The following BBIP1 variants were observed in gnomAD, a reference collection of about 807,000 sequenced individuals.
BBIP1 encodes BBSome-interacting protein 1.
In BBIP1, 6 loss-of-function variants were observed where a neutral mutation model predicts 8.9. The observed-to-expected ratio is 0.67, with a 90% CI of 0.37 to 1.33. The LOEUF (loss-of-function observed/expected upper bound fraction) is 1.33. Ranked by LOEUF, BBIP1 falls within the 40% of genes most tolerant of loss-of-function variation. The pLI is 0.02. For synonymous variants in BBIP1, 32 were observed against 33.4 expected, an observed-to-expected ratio of 0.96 and a Z score of 0.14; for missense variants, 111 against 109.2, an observed-to-expected ratio of 1.02 and a Z score of -0.07.
chr10:110,907,930 G>A (rs1846185810), intron 2 of BBIP1: 2 of 586,998 alleles, frequency 3.4e-6, no homozygotes, highest in Admixed American at 3.1e-5. Context: ...AAACAGGGGA[G>A]TTGAGTATAT....
At position 110,912,824 on chromosome 10, in the gene BBIP1, C is replaced by G. The variant is rs570440440; in HGVS notation, c.37+5297G>C. Among the ~76,000 whole-genome samples the G allele has an allele frequency of 1.8e-4, 27 of 152,274 alleles. No homozygotes were observed. In the South Asian group the frequency reaches 5.4e-3, roughly 30 times the overall value. Reference sequence around the variant, plus strand: ...ATAATATGTGCCTACTACTCCTAACCTGTCACTACATCTTCAATGTAATTC... The same window carrying G: ...ATAATATGTGCCTACTACTCCTAACGTGTCACTACATCTTCAATGTAATTC... On this transcript the variant is annotated intron_variant, in intron 2 of 3. Transcript: ENST00000448814.
intron 2 of BBIP1, 82 bp from the exon 3 acceptor site, chr10:110,901,694 A>G (rs2134018905): frequency 1.8e-6 from 2 of 1,093,022 alleles, no homozygotes; most frequent in South Asian, 2.7e-5. Flanking sequence ...TTTAAGAAGT[A>G]AAATCCAAAT....
intron 2 of BBIP1, 177 bp downstream of exon 2, chr10:110,917,944 C>G: frequency 1.6e-6 from 1 of 614,300 alleles, no homozygotes; most frequent in Non-Finnish European, 2.9e-6. Context: ...GTAACAGAAT[C>G]AGATACAGAA....
intron 2 of BBIP1, among the ~76,000 whole-genome samples, chr10:110,917,170 A>G (rs1370792069): frequency 6.6e-6 from 1 of 151,700 alleles, no homozygotes; most frequent in African/African-American, 2.4e-5. Context: ...ATTAAAGCTA[A>G]AGAAAAATTT....
intron 3 of BBIP1, 45 bp from the exon 4 acceptor site, chr10:110,900,571 A>G (rs1845969865): frequency 1.4e-6 from 2 of 1,404,272 alleles, no homozygotes; most frequent in Non-Finnish European, 1.9e-6. Flanking sequence ...AAGATAACCC[A>G]GTTGTTTGTA....
chr10:110,917,546 A>G (rs1490492770), intron 2 of BBIP1, among the ~76,000 whole-genome samples: 1 of 152,242 alleles, frequency 6.6e-6, no homozygotes, highest in Non-Finnish European at 1.5e-5. Context: ...CTTTCATAAT[A>G]AAACACTGGG....
At chr10:110,913,819 T>C (rs1175484231) in intron 2 of BBIP1, among the ~76,000 whole-genome samples, 2 of 152,226 alleles carry the variant, frequency 1.3e-5, no homozygotes, top group Admixed American at 1.3e-4. Context: ...TTAAGAAACA[T>C]ACATGTCATA....
At chr10:110,916,490 C>T (rs570322506) in intron 2 of BBIP1, among the ~76,000 whole-genome samples, 2 of 152,248 alleles carry the variant, frequency 1.3e-5, no homozygotes, top group African/African-American at 4.8e-5. Flanking sequence ...TTTTAATAGG[C>T]TCTGCTTAAT....
At chr10:110,906,569 C>CT (rs35573939) in intron 2 of BBIP1, 114,739 of 151,656 alleles carry the variant, frequency 0.76, 43,716 homozygotes, top group East Asian at 0.87. Flanking sequence ...ATTCTTCTTC[C>CT]TTTTTTTTGA....
At chr10:110,909,091 C>T (rs1481842739) in intron 2 of BBIP1, among the ~76,000 whole-genome samples, 1 of 152,024 alleles carries the variant, frequency 6.6e-6, no homozygotes, top group Non-Finnish European at 1.5e-5. Flanking sequence ...CTCAGGCCAG[C>T]AAAACAATGA....
intron 2 of BBIP1, among the ~76,000 whole-genome samples, chr10:110,909,093 A>G (rs1846210676): frequency 6.6e-6 from 1 of 152,226 alleles, no homozygotes. Context: ...CAGGCCAGCA[A>G]AACAATGATA....
intron 2 of BBIP1, among the ~76,000 whole-genome samples, chr10:110,915,016 GAA>G (rs1276889101): frequency 6.6e-6 from 1 of 152,160 alleles, no homozygotes; most frequent in Non-Finnish European, 1.5e-5. Context: ...CAAGGAAAGA[GAA>G]AAGTTGTTTG....
chr10:110,899,435 TC>T lies in BBIP1; in HGVS notation c.*924del, dbSNP rs1165468211. 1 of 152,238 alleles carries T rather than the reference TC, an allele frequency of 6.6e-6. No individual in the cohort carries two copies. Among genetic ancestry groups the T allele is most frequent in the Non-Finnish European group, 1.5e-5 (1 of 68,038 alleles). The allele number at this position is 152,238 out of a possible 1,614,324, so 9.4% of individuals were successfully genotyped here. ...TGGATGATAAATGCAGTCATTTTAT[TC>T]TCAAGTGCTTAAAATTAATGTAATT... On this transcript the variant is annotated 3_prime_UTR_variant, in exon 4 of 4. Coordinates refer to ENST00000448814, the MANE Select transcript of BBIP1 (RefSeq NM_001195305.3).
intron 1 of BBIP1, among the ~76,000 whole-genome samples, 192 bp from the exon 2 acceptor site, chr10:110,918,405 G>A (rs994302395): frequency 1.3e-5 from 2 of 152,216 alleles, no homozygotes; most frequent in African/African-American, 4.8e-5. Context: ...GAAGGCAGGT[G>A]GCAGGGGAAA....
intron 2 of BBIP1, among the ~76,000 whole-genome samples, chr10:110,908,970 T>A (rs1405302935): frequency 6.6e-6 from 1 of 152,216 alleles, no homozygotes; most frequent in African/African-American, 2.4e-5. Flanking sequence ...TCAAATAGTT[T>A]AGGTGCAGGT....
rs1845896931 is a variant in BBIP1, at chr10:110,898,875, C to G, written c.*1485G>C. On this transcript the variant is annotated 3_prime_UTR_variant, in exon 4 of 4. Coordinates refer to ENST00000448814, the MANE Select transcript of BBIP1 (RefSeq NM_001195305.3). ...GTGTTCCCTTGAAAACTTTTTTTCC[C>G]TACAAAATTTTAAGTGAAAAATACA... 2 of 152,436 alleles carry G rather than the reference C, an allele frequency of 1.3e-5. No homozygotes were observed. Among genetic ancestry groups the G allele is most frequent in the African/African-American group, 4.8e-5 (2 of 41,502 alleles). The allele number at this position is 152,436 out of a possible 1,614,324, so 9.4% of individuals were successfully genotyped here.
intron 2 of BBIP1, chr10:110,907,944 G>A (rs1846186067): frequency 3.6e-6 from 2 of 556,432 alleles, no homozygotes; most frequent in African/African-American, 1.9e-5. Context: ...AGTATATATT[G>A]TTTCCTAAAG....
At chr10:110,910,772 G>A (rs76529834) in intron 2 of BBIP1, 8,971 of 152,306 alleles carry the variant, frequency 0.059, 314 homozygotes, top group East Asian at 0.1. Context: ...TGAGAAGGTT[G>A]AGAAGGAATA....
chr10:110,916,382 T>C (rs1284176099), intron 2 of BBIP1, among the ~76,000 whole-genome samples: 1 of 152,176 alleles, frequency 6.6e-6, no homozygotes, highest in African/African-American at 2.4e-5. Context: ...AGTTTTCCCT[T>C]TGTGATTAGG....
Sources: allele counts gnomAD v4.1 joint callset (sites outside exome capture counted in the v4.1 genomes callset), GRCh38; gene constraint gnomAD v4.1.1; transcripts MANE v1.5; gene names NCBI Gene and HGNC (gene_info 2026-07-23, HGNC 2026-07-21).